Variants in FANCA observed in about 807,000 individuals in gnomAD.
FANCA encodes the protein FA complementation group A.
In FANCA, 236 loss-of-function variants were observed where a neutral mutation model predicts 194.3. The observed-to-expected ratio is 1.21, with a 90% confidence interval of 1.09 to 1.35. The LOEUF is 1.35. Ranked by LOEUF, FANCA falls within the 40% of genes most tolerant of loss-of-function variation. The probability of loss-of-function intolerance (pLI) is 0.00; values close to 1 mark genes in which losing one functional copy is unlikely to be tolerated. For synonymous variants in FANCA, 1,014 were observed against 715.8 expected, an observed-to-expected ratio of 1.42 and a Z score of -6.65; for missense variants, 2,628 against 1,813.9, an observed-to-expected ratio of 1.45 and a Z score of -8.15.
At chr16:89,791,312 T>G in intron 14 of FANCA, 91 bp downstream of exon 14, 2 of 1,535,278 alleles carry the variant, frequency 1.3e-6, no homozygotes, top group Non-Finnish European at 1.8e-6. Context: ...CTCACTCACA[T>G]GACAGAGAAT....
chr16:89,781,994 G>A (rs375379965), intron 17 of FANCA, among the ~76,000 whole-genome samples: 14 of 150,448 alleles, frequency 9.3e-5, no homozygotes, highest in East Asian at 4.0e-4. Flanking sequence ...GCGACAGAGC[G>A]AGACTCCATC....
rs199986320 is a variant in FANCA, at chr16:89,814,494, A to G, written c.283+26T>C. 1.7e-5 allele frequency: 26 copies of G among 1,513,720 alleles called. No homozygotes were observed. In the African/African-American group the frequency reaches 3.4e-4, roughly 20 times the overall value. The allele number at this position is 1,513,720 out of a possible 1,614,324, so 93.8% of individuals were successfully genotyped here. ...TATAAAAACCCTTCTGCAATTCAAAATAGAGAAAATGAAGCTATAACTTAC... is the reference window on the plus strand; with the variant it reads ...TATAAAAACCCTTCTGCAATTCAAAGTAGAGAAAATGAAGCTATAACTTAC... On this transcript the variant is annotated intron_variant, in intron 3 of 42. Coordinates refer to ENST00000389301, the MANE Select transcript of FANCA (RefSeq NM_000135.4).
Position 89,749,725 on chromosome 16 carries a change from GT to G in FANCA, c.3239+4del. On this transcript the variant is annotated splice_donor_region_variant and intron_variant, in intron 32 of 42. Coordinates refer to ENST00000389301, the MANE Select transcript of FANCA (RefSeq NM_000135.4). ...CTGCCCTGCCCAGGTGGTAGTAGGT[GT>G]TACCGTTTGTACATTAGCAGCTCCC... The G allele has an allele frequency of 6.2e-7, 1 of 1,613,120 alleles. No homozygotes were observed. Among genetic ancestry groups the G allele is most frequent in the Non-Finnish European group, 8.5e-7 (1 of 1,179,504 alleles).
intron 37 of FANCA, among the ~76,000 whole-genome samples, chr16:89,742,180 T>G (rs988938418): frequency 5.9e-5 from 9 of 152,076 alleles, no homozygotes; most frequent in Non-Finnish European, 1.3e-4. Context: ...TTTCACCATG[T>G]TGCCCAAGCT....
At position 89,779,942 on chromosome 16, in the gene FANCA, G is replaced by C. The variant is rs2039644259; in HGVS notation, c.1642C>G (p.Leu548Val). The change falls in exon 18 of 43, where the codon CTT becomes GTT. Residue 548 changes from leucine (L) to valine (V), a missense_variant. Leu to Val is a conservative substitution (Grantham distance 32). Transcript: ENST00000389301. ...ATGATGGCCTTTTCAACATCCTGAA[G>C]AGCTTGGCTGTGGGGCTGGTTCCCA... Reference protein sequence around the residue: ...GDITEPHSQALQDVEKAIMVF... With the variant: ...GDITEPHSQAVQDVEKAIMVF... 1.2e-6 allele frequency: 2 copies of C among 1,614,068 alleles called. No individual in the cohort carries two copies. Among genetic ancestry groups the C allele is most frequent in the Admixed American group, 1.7e-5 (1 of 60,004 alleles).
At position 89,745,075 on chromosome 16, in the gene FANCA, T is replaced by C. The variant is rs149388130; in HGVS notation, c.3514-4A>G. 583 of 1,597,638 alleles carry C rather than the reference T, an allele frequency of 3.6e-4. 2 individuals are homozygous for C. The African/African-American group carries it at 7.1e-3, about 19-fold the overall frequency. ...GCTCCAGGCTCGGCCACCACACCTATGGAGAGAGCACCAGCACACAGATGA... is the reference window on the plus strand; with the variant it reads ...GCTCCAGGCTCGGCCACCACACCTACGGAGAGAGCACCAGCACACAGATGA... On this transcript the variant is annotated splice_region_variant and splice_polypyrimidine_tract_variant and intron_variant, in intron 35 of 42. Transcript: ENST00000389301.
In FANCA at chr16:89,752,210, ATAAC is replaced by A. The variant is rs1555540048; in HGVS notation, c.2990_2993del (p.Ser997MetfsTer28). 6.2e-7 allele frequency: 1 copy of A among 1,613,786 alleles called. No homozygotes were observed. The highest frequency in any genetic ancestry group is 2.2e-5 in the East Asian group (1 of 44,888). On this transcript the variant is annotated frameshift_variant, in exon 31 of 43. Coordinates refer to ENST00000389301, the MANE Select transcript of FANCA (RefSeq NM_000135.4). LOFTEE classifies it high-confidence loss of function. ...CCAAATCAGAATTTTCTGAGTGGTCATAACTCCTTGAGCTGAAATGAAAATACAA... is the reference window on the plus strand; with the variant it reads ...CCAAATCAGAATTTTCTGAGTGGTCATCCTTGAGCTGAAATGAAAATACAA...
intron 30 of FANCA, among the ~76,000 whole-genome samples, chr16:89,754,797 A>G (rs1365411975): frequency 6.6e-6 from 1 of 152,240 alleles, no homozygotes; most frequent in Admixed American, 6.5e-5. Flanking sequence ...CAAATGATTC[A>G]AAAGGAAAGA....
In FANCA at chr16:89,799,240, CAG is replaced by C. The variant is rs1419817251; in HGVS notation, c.827-10_827-9del. 7 of 1,613,910 alleles carry C rather than the reference CAG, an allele frequency of 4.3e-6. No homozygotes were observed. Among genetic ancestry groups the C allele is most frequent in the Non-Finnish European group, 5.9e-6 (7 of 1,179,976 alleles). On this transcript the variant is annotated splice_polypyrimidine_tract_variant and intron_variant, in intron 9 of 42. Transcript: ENST00000389301. ...CCAAAGCGTCAAGTGCAACTGAAGA[CAG>C]AGCCAGGAACAGAAAACAGATGTCA...
intron 32 of FANCA, 28 bp from the exon 33 acceptor site, chr16:89,748,795 G>A (rs201105305): frequency 2.3e-5 from 36 of 1,579,936 alleles, no homozygotes; most frequent in South Asian, 2.1e-4. Context: ...TATTGGTGGC[G>A]ACAGCACAGC....
intron 26 of FANCA, among the ~76,000 whole-genome samples, chr16:89,768,923 G>A (rs542880876): frequency 6.6e-6 from 1 of 151,984 alleles, no homozygotes; most frequent in Non-Finnish European, 1.5e-5. Context: ...CCAGTACTCA[G>A]TGTTTGGGGC....
chr16:89,742,651 T>TAAAAAAAAAAAAAAAAAAAAAA (rs2062163433), intron 37 of FANCA, 149 bp downstream of exon 37: 1 of 557,008 alleles, frequency 1.8e-6, no homozygotes, highest in East Asian at 4.7e-5. Flanking sequence ...CTACTAAAAA[T>TAAAAAAAAAAAAAAAAAAAAAA]ACAAAAAAAA....
chr16:89,812,107 G>A (rs1051073168), intron 3 of FANCA, among the ~76,000 whole-genome samples: 5 of 150,352 alleles, frequency 3.3e-5, no homozygotes, highest in South Asian at 2.1e-4. Context: ...AGGCCGAGGC[G>A]GGCGGATTAC....
chr16:89,749,369 C>A (rs560401993), intron 32 of FANCA, among the ~76,000 whole-genome samples: 40 of 152,286 alleles, frequency 2.6e-4, no homozygotes, highest in African/African-American at 9.1e-4. Context: ...CCCGCCACCA[C>A]ACCTAGCTAA....
At chr16:89,792,824 T>G (rs1355902552) in intron 11 of FANCA, 1 of 399,488 alleles carries the variant, frequency 2.5e-6, no homozygotes, top group Admixed American at 3.5e-5. Context: ...AGAGTGTGAG[T>G]CATCTCCAAT....
At chr16:89,799,974 A>G (rs2040389069) in intron 8 of FANCA, among the ~76,000 whole-genome samples, 1 of 152,224 alleles carries the variant, frequency 6.6e-6, no homozygotes, top group Admixed American at 6.5e-5. Flanking sequence ...GGCCCGGGCG[A>G]AAGAGCCAGA....
chr16:89,812,063 C>A (rs1008456360), intron 3 of FANCA, among the ~76,000 whole-genome samples: 5 of 148,930 alleles, frequency 3.4e-5, no homozygotes, highest in Non-Finnish European at 7.4e-5. Context: ...GGGCCGGGCA[C>A]GGTGGCTCAC....
At chr16:89,796,699 G>A (rs559992286) in intron 10 of FANCA, among the ~76,000 whole-genome samples, 5 of 152,260 alleles carry the variant, frequency 3.3e-5, no homozygotes, top group South Asian at 2.1e-4. Flanking sequence ...ACCAGCAAGC[G>A]GCACTTTATG....
At chr16:89,743,881 AGAACTG>A (rs1472292228) in intron 36 of FANCA, among the ~76,000 whole-genome samples, 1 of 151,896 alleles carries the variant, frequency 6.6e-6, no homozygotes, top group Non-Finnish European at 1.5e-5. Flanking sequence ...TTGTAGAATT[AGAACTG>A]GAGGTGTGAC....
Sources: gnomAD v4.1 joint callset for allele counts (sites outside exome capture counted in the v4.1 genomes callset) on GRCh38, gnomAD v4.1.1 for gene constraint, MANE v1.5 for transcripts, NCBI Gene and HGNC (gene_info 2026-07-23, HGNC 2026-07-21) for gene names.